Variants in TJP2 observed in about 807,000 individuals in gnomAD.
The protein encoded by TJP2 is Friedreich ataxia region gene X104 (tight junction protein ZO-2).
TJP2 carries 91 observed loss-of-function variants against 133.1 expected under a neutral mutation model. The ratio of observed to expected loss-of-function variants is 0.68; its 90% CI spans 0.58 to 0.81. The LOEUF (loss-of-function observed/expected upper bound fraction) is 0.81, where lower values mean the gene tolerates loss of function less well. Ranked by LOEUF, TJP2 falls within the 40% of genes least tolerant of loss-of-function variation. The probability of loss-of-function intolerance (pLI) is 0.00; values close to 1 mark genes in which losing one functional copy is unlikely to be tolerated. For missense variants in TJP2, 1,541 were observed against 1,565.6 expected, an observed-to-expected ratio of 0.98 and a Z score of 0.26; for synonymous variants, 592 against 583.4, an observed-to-expected ratio of 1.01 and a Z score of -0.21.
intron 11 of TJP2, among the ~76,000 whole-genome samples, chr9:69,232,072 G>A (rs1207150304): frequency 4.6e-5 from 7 of 152,142 alleles, no homozygotes; most frequent in Admixed American, 4.6e-4. Context: ...GTTGTTAGAT[G>A]GGGAGAGTCG....
intron 1 of TJP2, among the ~76,000 whole-genome samples, chr9:69,187,518 A>G (rs552639489): frequency 6.6e-6 from 1 of 152,238 alleles, no homozygotes; most frequent in Non-Finnish European, 1.5e-5. Flanking sequence ...TTTATCTTTC[A>G]GCAACATAAG....
At chr9:69,215,277 A>C (rs2252949) in intron 2 of TJP2, among the ~76,000 whole-genome samples, 137,580 of 152,104 alleles carry the variant, frequency 0.9, 62,314 homozygotes, top group Middle Eastern at 0.94. Context: ...CAGACAATAC[A>C]CATATATAAC....
intron 7 of TJP2, 93 bp from the exon 8 acceptor site, chr9:69,227,672 C>T (rs764294885): frequency 1.5e-5 from 13 of 859,850 alleles, no homozygotes; most frequent in Middle Eastern, 3.5e-4. Context: ...TTCCATTTCC[C>T]GTGTTTCCTA....
In TJP2 at chr9:69,221,499, A is replaced by T; in HGVS notation, c.952+3A>T. ...GATGAAAAGCAGAGCGAACGAAGGTAGGCATGCTTGATGTGGGAAGAAAAG... is the reference window on the plus strand; with the variant it reads ...GATGAAAAGCAGAGCGAACGAAGGTTGGCATGCTTGATGTGGGAAGAAAAG... On this transcript the variant is annotated splice_donor_region_variant and intron_variant, in intron 5 of 22. Coordinates refer to ENST00000377245, the MANE Select transcript of TJP2 (RefSeq NM_004817.4). 10 of 1,602,400 alleles carry T rather than the reference A, an allele frequency of 6.2e-6. No individual in the cohort carries two copies. The highest frequency in any genetic ancestry group is 8.5e-6 in the Non-Finnish European group (10 of 1,174,248).
intron 16 of TJP2, among the ~76,000 whole-genome samples, 186 bp downstream of exon 16, chr9:69,238,975 G>A (rs2133401522): frequency 6.6e-6 from 1 of 152,146 alleles, no homozygotes. Flanking sequence ...ATCACCTGAG[G>A]TCAGGAGTTC....
intron 1 of TJP2, among the ~76,000 whole-genome samples, chr9:69,185,618 C>G (rs890218648): frequency 6.6e-6 from 1 of 152,084 alleles, no homozygotes; most frequent in African/African-American, 2.4e-5. Flanking sequence ...TTTATGGAAC[C>G]TAATGAGTGT....
At chr9:69,205,399 G>C in intron 1 of TJP2, 1 of 1,394,990 alleles carries the variant, frequency 7.2e-7, no homozygotes, top group Admixed American at 2.7e-5. Flanking sequence ...GTCACTGGTG[G>C]GTTTTTAAAA....
At chr9:69,159,747 G>A (rs1043925393) in intron 2 of TJP2, among the ~76,000 whole-genome samples, 31 of 151,698 alleles carry the variant, frequency 2.0e-4, no homozygotes, top group Admixed American at 2.0e-3. Flanking sequence ...GTGGTGGAAC[G>A]CGCCTGTAGT....
At chr9:69,223,338 C>T (rs531347336) in intron 5 of TJP2, among the ~76,000 whole-genome samples, 4 of 152,082 alleles carry the variant, frequency 2.6e-5, no homozygotes, top group African/African-American at 9.6e-5. Context: ...GACGGAGTCT[C>T]GCTCTTTCGC....
chr9:69,220,065 G>A (rs977524881), intron 4 of TJP2, among the ~76,000 whole-genome samples: 6 of 152,150 alleles, frequency 3.9e-5, no homozygotes, highest in African/African-American at 1.4e-4. Flanking sequence ...CACGAGAATC[G>A]CTTGAACCTG....
intron 1 of TJP2, among the ~76,000 whole-genome samples, chr9:69,199,326 C>T (rs995630085): frequency 2.0e-5 from 3 of 152,070 alleles, no homozygotes; most frequent in African/African-American, 4.8e-5. Flanking sequence ...CTCAGGAGTT[C>T]GAGACCAGCC....
chr9:69,231,647 A>G (rs1829793715), intron 11 of TJP2, among the ~76,000 whole-genome samples: 1 of 152,034 alleles, frequency 6.6e-6, no homozygotes, highest in African/African-American at 2.4e-5. Flanking sequence ...TTCAGATTTC[A>G]TTTCTGGAGC....
chr9:69,150,190 G>A (rs1823402241), intron 1 of TJP2, among the ~76,000 whole-genome samples: 1 of 151,852 alleles, frequency 6.6e-6, no homozygotes, highest in African/African-American at 2.4e-5. Flanking sequence ...TAAATGCTAT[G>A]AAAAACAAAT....
intron 10 of TJP2, among the ~76,000 whole-genome samples, chr9:69,229,663 T>C (rs974081329): frequency 1.3e-5 from 2 of 152,196 alleles, no homozygotes; most frequent in African/African-American, 4.8e-5. Flanking sequence ...CTGCACTTGA[T>C]AATCAGAACC....
chr9:69,237,272 A>G, intron 14 of TJP2, 136 bp downstream of exon 14: 1 of 1,063,978 alleles, frequency 9.4e-7, no homozygotes, highest in Non-Finnish European at 1.4e-6. Flanking sequence ...GTTGAAATCA[A>G]ATTCTAACAA....
chr9:69,248,358 T>C (rs2133469030), intron 19 of TJP2, 134 bp downstream of exon 19: 1 of 1,448,602 alleles, frequency 6.9e-7, no homozygotes, highest in East Asian at 2.5e-5. Context: ...AGGGAGTCTC[T>C]CGCTTTGAGT....
intron 11 of TJP2, among the ~76,000 whole-genome samples, chr9:69,232,698 C>T (rs924322385): frequency 7.2e-5 from 11 of 152,182 alleles, no homozygotes; most frequent in Admixed American, 7.2e-4. Flanking sequence ...TGCTTTTGCT[C>T]ATTCCTGCTT....
chr9:69,190,496 C>T (rs1478239296), intron 1 of TJP2, among the ~76,000 whole-genome samples: 1 of 152,152 alleles, frequency 6.6e-6, no homozygotes, highest in African/African-American at 2.4e-5. Flanking sequence ...GGATTATGTA[C>T]TCACTAAGAA....
chr9:69,233,790 A>G (rs1018558721), intron 11 of TJP2, among the ~76,000 whole-genome samples: 2 of 151,900 alleles, frequency 1.3e-5, no homozygotes, highest in Non-Finnish European at 2.9e-5. Context: ...AAAAAAAACC[A>G]CATAGCACTA....
Sources: allele counts gnomAD v4.1 joint callset (sites outside exome capture counted in the v4.1 genomes callset), GRCh38; gene constraint gnomAD v4.1.1; transcripts MANE v1.5; gene names NCBI Gene and HGNC (gene_info 2026-07-23, HGNC 2026-07-21).